The following CCNL1 variants were observed in gnomAD, a reference collection of about 807,000 sequenced individuals.
CCNL1 encodes cyclin L1, also known as cyclin-L1.
In CCNL1, 13 loss-of-function variants were observed where a neutral mutation model predicts 60.6. That is an observed-to-expected ratio of 0.21 (90% CI 0.14 to 0.34). The LOEUF (loss-of-function observed/expected upper bound fraction) is 0.34. Ranked by LOEUF, CCNL1 falls within the 10% of genes least tolerant of loss-of-function variation. The pLI is 1.00. For missense variants in CCNL1, 481 were observed against 664.3 expected, an observed-to-expected ratio of 0.72 and a Z score of 3.03; for synonymous variants, 270 against 244.3, an observed-to-expected ratio of 1.10 and a Z score of -0.98.
rs1454988740 is a variant in CCNL1 at position 157,151,540 on chromosome 3, A to G, written c.674+637T>C. ...TAAGCCAGTGTGGGAACTGGTGCCCATTTTAAGCTGCAAGTTTGTCGTCTC... is the reference window on the plus strand; with the variant it reads ...TAAGCCAGTGTGGGAACTGGTGCCCGTTTTAAGCTGCAAGTTTGTCGTCTC... On this transcript the variant is annotated intron_variant, in intron 5 of 10. Coordinates refer to ENST00000295926, the MANE Select transcript of CCNL1 (RefSeq NM_020307.4). 3 of 985,860 alleles carry G rather than the reference A, an allele frequency of 3.0e-6. No homozygotes were observed. In the African/African-American group the frequency reaches 5.2e-5, roughly 17 times the overall value. 61.1% of individuals were successfully genotyped at this position (985,860 alleles called of 1,614,324 possible). A position where few individuals can be genotyped will look rare whatever the true frequency, so the allele number is the denominator to read the frequency against.
Position 157,159,661 on chromosome 3 carries a change from G to A in CCNL1, c.303+131C>T, listed in dbSNP as rs1214681290. 7 of 1,060,782 alleles carry A rather than the reference G, an allele frequency of 6.6e-6. No individual in the cohort carries two copies. The African/African-American group carries it at 9.9e-5, about 15-fold the overall frequency. 65.7% of individuals were successfully genotyped at this position (1,060,782 alleles called of 1,614,324 possible). ...CCCCGCCCCGGCACGCCCCGGCCGC[G>A]GCTGGGCCCCGAACGGGAAAGCCTG... On this transcript the variant is annotated intron_variant, in intron 1 of 10. Transcript: ENST00000295926.
rs139820007 is a variant in CCNL1 at position 157,159,465 on chromosome 3, C to T, written c.318G>A (p.Thr106=). The change falls in exon 2 of 11, where the codon ACG becomes ACA. Residue 106 remains threonine, a synonymous_variant. Transcript: ENST00000295926. ...AAAAACGATGAAACAACACCTGCCC[C>T]GTTGCCATCGCCACCTGCAGACAAG... The part of the protein sequence containing the change: ...LLRLPQVAMA[T]GQVLFHRFFY... The T allele has an allele frequency of 2.7e-5, 44 of 1,612,168 alleles. No homozygotes were observed. The African/African-American group carries it at 5.7e-4, about 21-fold the overall frequency.
intron 10 of CCNL1, 168 bp downstream of exon 10, chr3:157,149,119 T>G (rs564308864): frequency 1.6e-6 from 1 of 606,126 alleles, no homozygotes; most frequent in Non-Finnish European, 2.9e-6. Flanking sequence ...GCCATTAAGA[T>G]ACTGTATGTC....
Position 157,159,484 on chromosome 3 carries a change from A to G in CCNL1, c.304-5T>C. 5 of 1,603,542 alleles carry G rather than the reference A, an allele frequency of 3.1e-6. No homozygotes were observed. The highest frequency in any genetic ancestry group is 4.3e-6 in the Non-Finnish European group (5 of 1,174,854). ...CTGCCCCGTTGCCATCGCCACCTGCAGACAAGAGAGGAGAACGGAAGCGCA... is the reference window on the plus strand; with the variant it reads ...CTGCCCCGTTGCCATCGCCACCTGCGGACAAGAGAGGAGAACGGAAGCGCA... On this transcript the variant is annotated splice_region_variant and splice_polypyrimidine_tract_variant and intron_variant, in intron 1 of 10. Coordinates refer to ENST00000295926, the MANE Select transcript of CCNL1 (RefSeq NM_020307.4).
intron 3 of CCNL1, among the ~76,000 whole-genome samples, chr3:157,155,550 G>A (rs924427778): frequency 6.6e-6 from 1 of 152,114 alleles, no homozygotes; most frequent in Non-Finnish European, 1.5e-5. Flanking sequence ...AGTTAACTTT[G>A]TGGGTATATA....
At chr3:157,146,553 T>C, downstream of CCNL1, 1 of 445,152 alleles carries the variant, frequency 2.2e-6, no homozygotes, top group Non-Finnish European at 4.5e-6. Flanking sequence ...GGTGGGAGGA[T>C]CACTTGAGGC....
intron 10 of CCNL1, 89 bp from the exon 11 acceptor site, chr3:157,148,678 C>T: frequency 8.8e-7 from 1 of 1,139,632 alleles, no homozygotes; most frequent in Non-Finnish European, 1.2e-6. Flanking sequence ...CAAAACAAAA[C>T]TACCAGCTAC....
intron 3 of CCNL1, among the ~76,000 whole-genome samples, chr3:157,156,165 T>TA (rs1270858712): frequency 6.6e-6 from 1 of 152,214 alleles, no homozygotes; most frequent in Non-Finnish European, 1.5e-5. Context: ...CAAGAGACTA[T>TA]AACAGATTGG....
intron 1 of CCNL1, 98 bp from the exon 2 acceptor site, chr3:157,159,577 C>G (rs1159703675): frequency 2.4e-5 from 23 of 959,392 alleles, no homozygotes; most frequent in Middle Eastern, 6.0e-4. Flanking sequence ...CTTTCCCCTC[C>G]CGCCGCCGCC....
chr3:157,154,264 TTTTG>T (rs1219379528), intron 3 of CCNL1: 1 of 152,200 alleles, frequency 6.6e-6, no homozygotes, highest in Non-Finnish European at 1.5e-5. Flanking sequence ...GGAATTGGGC[TTTTG>T]TTTTTTGTTG....
chr3:157,151,757 G>A, intron 5 of CCNL1: 1 of 1,017,996 alleles, frequency 9.8e-7, no homozygotes, highest in Non-Finnish European at 1.2e-6. Flanking sequence ...AAATCCTTTT[G>A]ACACCCCGAC....
rs1350347357 is a variant in CCNL1 at position 157,153,093 on chromosome 3, T to G, written c.552A>C (p.Ala184=). The change falls in exon 4 of 11, where the codon GCA becomes GCC. Residue 184 remains alanine (A), a synonymous_variant. Coordinates refer to ENST00000295926, the MANE Select transcript of CCNL1 (RefSeq NM_020307.4). ...CCAACTCCTTTAGCACCCTCCTCTC[T>G]GCTTTGATAACTTGATTTTTGGTGT... ...YINTKNQVIK[A]ERRVLKELGF... is the part of the protein sequence containing the mutation. 4.3e-6 allele frequency: 7 copies of G among 1,613,726 alleles called. No homozygotes were observed. Among genetic ancestry groups the G allele is most frequent in the Non-Finnish European group, 5.1e-6 (6 of 1,179,710 alleles).
chr3:157,158,489 T>G (rs964290586), intron 3 of CCNL1, among the ~76,000 whole-genome samples: 4 of 152,248 alleles, frequency 2.6e-5, no homozygotes, highest in African/African-American at 4.8e-5. Context: ...AATATTAACT[T>G]AAACTACAGT....
rs1477532112 is a variant in CCNL1 at position 157,159,949 on chromosome 3, T to G, written c.146A>C (p.Glu49Ala). ...AGAGTGGTCGATGGTAAGTGAAACT[T>G]CCGAGTACAGGCGATCGCCGATCAG... ...GILIGDRLYSEVSLTIDHSLI... is the reference protein window; with the variant it reads ...GILIGDRLYSAVSLTIDHSLI... Residue 49 changes from glutamate (E) to alanine (A), a missense_variant, in exon 1 of 11, where the codon GAA becomes GCA. Glu to Ala is a moderately radical substitution (Grantham distance 107, BLOSUM62 -1). Coordinates refer to ENST00000295926, the MANE Select transcript of CCNL1 (RefSeq NM_020307.4). 2.5e-6 allele frequency: 4 copies of G among 1,602,828 alleles called. No individual in the cohort carries two copies. The highest frequency in any genetic ancestry group is 3.4e-6 in the Non-Finnish European group (4 of 1,174,706).
chr3:157,151,849 C>A, intron 5 of CCNL1: 1 of 1,172,178 alleles, frequency 8.5e-7, no homozygotes. Flanking sequence ...GGCTGGAGAG[C>A]AGGGTAGCCA....
At chr3:157,152,539 C>G in intron 4 of CCNL1, 1 of 1,098,616 alleles carries the variant, frequency 9.1e-7, no homozygotes, top group Non-Finnish European at 1.1e-6. Flanking sequence ...CCTAATTTCC[C>G]AAGGTACATT....
At chr3:157,143,942 A>G (rs569446108), downstream of CCNL1, among the ~76,000 whole-genome samples, 5 of 152,316 alleles carry the variant, frequency 3.3e-5, no homozygotes, top group South Asian at 1.0e-3. Flanking sequence ...AACACTTTAA[A>G]TAGATCATTT....
In CCNL1 at chr3:157,148,443, G is replaced by A. The variant is rs1194179964; in HGVS notation, c.1379C>T (p.Ser460Leu). ...AKHTRDDLKS[S>L]NRHGHKRKKS... is the part of the protein sequence containing the mutation. Reference sequence around the variant, plus strand: ...TTTCCTTTTATGACCATGTCTGTTTGAACTTTTTAAATCATCTCTGGTATG... The same window carrying A: ...TTTCCTTTTATGACCATGTCTGTTTAAACTTTTTAAATCATCTCTGGTATG... The change falls in exon 11 of 11, where the codon TCA becomes TTA. Residue 460 changes from serine (S) to leucine (L), a missense_variant. By Grantham distance (145) the Ser-to-Leu change is moderately radical. Transcript: ENST00000295926. The A allele has an allele frequency of 6.2e-7, 1 of 1,614,094 alleles. No homozygotes were observed. Among genetic ancestry groups the A allele is most frequent in the Non-Finnish European group, 8.5e-7 (1 of 1,180,016 alleles).
chr3:157,146,452 A>C (rs906851518), downstream of CCNL1: 6 of 426,126 alleles, frequency 1.4e-5, no homozygotes, highest in Non-Finnish European at 2.3e-5. Flanking sequence ...CTTCACAAAC[A>C]ACCCTCACCC....
Sources: gnomAD v4.1 joint callset for allele counts (sites outside exome capture counted in the v4.1 genomes callset) on GRCh38, gnomAD v4.1.1 for gene constraint, MANE v1.5 for transcripts, NCBI Gene and HGNC (gene_info 2026-07-23, HGNC 2026-07-21) for gene names.